Variants in DLG2 observed in about 807,000 individuals in gnomAD.
DLG2 encodes discs large MAGUK scaffold protein 2, also known as disks large homolog 2.
A neutral mutation model predicts 132.5 loss-of-function variants in DLG2; 45 were observed. The ratio of observed to expected loss-of-function variants is 0.34; its 90% confidence interval spans 0.27 to 0.44. The LOEUF (loss-of-function observed/expected upper bound fraction) is 0.44. Ranked by LOEUF, DLG2 falls within the 20% of genes least tolerant of loss-of-function variation. DLG2 has a pLI of 1.00. For synonymous variants in DLG2, 424 were observed against 419.6 expected (o/e 1.01, Z -0.13); for missense variants, 1,045 against 1,196.9 (o/e 0.87, Z 1.87).
chr11:83,635,144 G>A (rs2153463891), intron 18 of DLG2, among the ~76,000 whole-genome samples: 1 of 152,216 alleles, frequency 6.6e-6, no homozygotes, highest in South Asian at 2.1e-4. Context: ...GGGAGACCGA[G>A]GCAGGAAAAT....
intron 18 of DLG2, among the ~76,000 whole-genome samples, chr11:83,753,221 G>A (rs1274900893): frequency 6.6e-6 from 1 of 152,102 alleles, no homozygotes; most frequent in African/African-American, 2.4e-5. Flanking sequence ...TTAGGAGTTT[G>A]AGACCAGCCT....
chr11:85,300,575 A>G (rs1400329910), intron 3 of DLG2, among the ~76,000 whole-genome samples: 15 of 152,192 alleles, frequency 9.9e-5, no homozygotes, highest in African/African-American at 3.6e-4. Context: ...GATAGATGGG[A>G]AAGAAAATTA....
rs528468574 is a variant in DLG2, at chr11:84,361,102, G to A, written c.520-109811C>T. 2.6e-5 allele frequency among the ~76,000 whole-genome samples: 4 copies of A among 151,940 alleles called. 1 individual carries two copies. The highest frequency in any genetic ancestry group is 9.6e-5 in the African/African-American group (4 of 41,504). ...AGATTTTAAAACACTGGAACAAAATGAACAGAGTGCCAGTGATATGCTGAA... is the reference window on the plus strand; with the variant it reads ...AGATTTTAAAACACTGGAACAAAATAAACAGAGTGCCAGTGATATGCTGAA... On this transcript the variant is annotated intron_variant, in intron 7 of 27. Coordinates refer to ENST00000376104, the MANE Select transcript of DLG2 (RefSeq NM_001142699.3).
chr11:83,842,494 T>C (rs539125983), intron 16 of DLG2, among the ~76,000 whole-genome samples: 2 of 124,996 alleles, frequency 1.6e-5, no homozygotes, highest in Admixed American at 1.1e-4. Flanking sequence ...CTCAGGAGGC[T>C]GAGGCAGGAG....
chr11:85,255,962 AT>A (rs2076645011), intron 4 of DLG2, among the ~76,000 whole-genome samples: 1 of 152,148 alleles, frequency 6.6e-6, no homozygotes, highest in African/African-American at 2.4e-5. Context: ...CTTCAGGAAA[AT>A]TTTCATATCT....
At chr11:84,889,982 T>C (rs2089061884) in intron 6 of DLG2, among the ~76,000 whole-genome samples, 1 of 152,208 alleles carries the variant, frequency 6.6e-6, no homozygotes, top group Non-Finnish European at 1.5e-5. Context: ...AGTCAAATAA[T>C]AGTTCCTCAG....
chr11:83,976,852 A>G (rs1200956394), intron 12 of DLG2, among the ~76,000 whole-genome samples: 1 of 151,960 alleles, frequency 6.6e-6, no homozygotes, highest in African/African-American at 2.4e-5. Context: ...CACACTAGAC[A>G]TATATGAACT....
intron 19 of DLG2, among the ~76,000 whole-genome samples, chr11:83,592,515 C>T (rs1413286355): frequency 3.3e-5 from 5 of 152,114 alleles, no homozygotes; most frequent in African/African-American, 9.6e-5. Context: ...AAGACTTAAA[C>T]GTTAGACCTA....
At chr11:85,366,229 G>T (rs1223720531) in intron 3 of DLG2, among the ~76,000 whole-genome samples, 2 of 152,122 alleles carry the variant, frequency 1.3e-5, no homozygotes, top group East Asian at 1.9e-4. Flanking sequence ...GTCTTCATGT[G>T]AAATAACATA....
intron 6 of DLG2, among the ~76,000 whole-genome samples, chr11:84,841,072 G>A (rs1278222814): frequency 1.3e-5 from 2 of 150,920 alleles, no homozygotes; most frequent in African/African-American, 2.4e-5. Flanking sequence ...ACACTATGCA[G>A]CAATAAAAAG....
At chr11:83,724,277 C>G (rs2153689857) in intron 18 of DLG2, among the ~76,000 whole-genome samples, 1 of 152,252 alleles carries the variant, frequency 6.6e-6, no homozygotes, top group East Asian at 1.9e-4. Flanking sequence ...TTCTTTCACA[C>G]ACATAAGCCT....
chr11:84,575,149 C>T (rs765804791), intron 6 of DLG2, among the ~76,000 whole-genome samples: 18 of 152,076 alleles, frequency 1.2e-4, no homozygotes, highest in African/African-American at 2.2e-4. Flanking sequence ...ATCTTATCAC[C>T]GGCTTTGTAA....
intron 6 of DLG2, among the ~76,000 whole-genome samples, chr11:84,605,448 TTAA>T (rs1433373939): frequency 1.3e-5 from 2 of 152,078 alleles, no homozygotes; most frequent in Admixed American, 6.6e-5. Flanking sequence ...CTAATTATTA[TTAA>T]TCTTTTAAAA....
At chr11:84,635,989 G>A (rs187754819) in intron 6 of DLG2, among the ~76,000 whole-genome samples, 5 of 152,342 alleles carry the variant, frequency 3.3e-5, no homozygotes, top group Admixed American at 1.3e-4. Context: ...AGGACAAAAT[G>A]TAGAACTTGG....
chr11:84,714,420 G>A (rs912404479), intron 6 of DLG2, among the ~76,000 whole-genome samples: 1 of 152,062 alleles, frequency 6.6e-6, no homozygotes, highest in Non-Finnish European at 1.5e-5. Context: ...GGTGGAGAAA[G>A]GCAGAAGGTT....
At chr11:84,918,427 C>T (rs1284382633) in intron 6 of DLG2, among the ~76,000 whole-genome samples, 2 of 151,956 alleles carry the variant, frequency 1.3e-5, no homozygotes, top group East Asian at 3.9e-4. Context: ...ACACCCTGTA[C>T]TGTTTATTAA....
chr11:85,409,665 C>A (rs1200255117), intron 3 of DLG2, among the ~76,000 whole-genome samples: 1 of 151,690 alleles, frequency 6.6e-6, no homozygotes, highest in African/African-American at 2.4e-5. Flanking sequence ...AGACTAATGC[C>A]AATGGGAGGC....
intron 11 of DLG2, among the ~76,000 whole-genome samples, chr11:84,035,620 T>G (rs537527070): frequency 6.6e-6 from 1 of 152,154 alleles, no homozygotes; most frequent in African/African-American, 2.4e-5. Flanking sequence ...CAAACTATGG[T>G]AAGGCTGTGG....
intron 7 of DLG2, among the ~76,000 whole-genome samples, chr11:84,404,916 G>C (rs184142960): frequency 6.6e-6 from 1 of 152,134 alleles, no homozygotes; most frequent in Non-Finnish European, 1.5e-5. Flanking sequence ...ACTTTTTATA[G>C]ACCAATAGCC....
Sources: allele counts gnomAD v4.1 joint callset (sites outside exome capture counted in the v4.1 genomes callset), GRCh38; gene constraint gnomAD v4.1.1; transcripts MANE v1.5; gene names NCBI Gene and HGNC (gene_info 2026-07-23, HGNC 2026-07-21).